The following BAZ2A variants were observed in gnomAD, a reference collection of about 807,000 sequenced individuals.
The protein encoded by BAZ2A is bromodomain adjacent to zinc finger domain protein 2A.
In BAZ2A, 34 loss-of-function variants were observed where a neutral mutation model predicts 199.9. The ratio of observed to expected loss-of-function variants is 0.17; its 90% CI spans 0.13 to 0.23. BAZ2A has a LOEUF of 0.23. BAZ2A is among the 10% of genes least tolerant of loss of function. The pLI, the probability that BAZ2A is intolerant of heterozygous loss-of-function variation, is 1.00. For missense variants in BAZ2A, 2,002 were observed against 2,391.1 expected (o/e 0.84, Z 3.39); for synonymous variants, 857 against 883.9 (o/e 0.97, Z 0.54).
Position 56,630,107 on chromosome 12 carries a change from G to A in BAZ2A, c.-3+18C>T, listed in dbSNP as rs1178639665. On this transcript the variant is annotated intron_variant, in intron 1 of 28. Coordinates refer to ENST00000549884, the MANE Select transcript of BAZ2A (RefSeq NM_001300905.2). ...GGGCTCCCTCCCCCTCAGGCCCCTG[G>A]CCACAGACCCCACAAACCTGAGGCA... 9.2e-6 allele frequency: 9 copies of A among 979,104 alleles called. No individual in the cohort carries two copies. The African/African-American group carries it at 1.4e-4, about 15-fold the overall frequency. The allele number at this position is 979,104 out of a possible 1,614,324, so 60.7% of individuals were successfully genotyped here. A position where few individuals can be genotyped will look rare whatever the true frequency, so the allele number is the denominator to read the frequency against.
intron 5 of BAZ2A, 133 bp downstream of exon 5, chr12:56,612,882 G>C: frequency 9.7e-7 from 1 of 1,030,566 alleles, no homozygotes; most frequent in Non-Finnish European, 1.4e-6. Flanking sequence ...TCGGCCTCCC[G>C]AAGTGCTGAG....
intron 1 of BAZ2A, among the ~76,000 whole-genome samples, chr12:56,625,419 GTGC>G (rs1951057228): frequency 6.6e-6 from 1 of 151,898 alleles, no homozygotes; most frequent in Non-Finnish European, 1.5e-5. Flanking sequence ...GCCTCCCAAA[GTGC>G]TGCGACTGCA....
Position 56,603,023 on chromosome 12 carries a change from C to G in BAZ2A, c.3280-166G>C, listed in dbSNP as rs538489693. Among the ~76,000 whole-genome samples the G allele has an allele frequency of 2.6e-5, 4 of 152,366 alleles. 1 individual carries two copies. The South Asian group carries it at 8.3e-4, about 32-fold the overall frequency. On this transcript the variant is annotated intron_variant, in intron 18 of 28. Coordinates refer to ENST00000549884, the MANE Select transcript of BAZ2A (RefSeq NM_001300905.2). ...TTAAGTTTGGGAGCGGTGGCTCACG[C>G]CTGTAATCCCAGCACTTTGGGAGGC...
intron 16 of BAZ2A, 31 bp from the exon 17 acceptor site, chr12:56,603,731 G>A: frequency 6.2e-7 from 1 of 1,611,274 alleles, no homozygotes; most frequent in African/African-American, 1.3e-5. Flanking sequence ...ATTAAGGGAA[G>A]GCCAAGTGTG....
chr12:56,615,525 G>C lies in BAZ2A; in HGVS notation c.219C>G (p.His73Gln). The C allele has an allele frequency of 6.2e-7, 1 of 1,613,490 alleles. No homozygotes were observed. The highest frequency in any genetic ancestry group is 8.5e-7 in the Non-Finnish European group (1 of 1,179,872). The change falls in exon 3 of 29, where the codon CAC (histidine) becomes CAG (glutamine). Residue 73 changes from histidine to glutamine, a missense_variant. His to Gln is a conservative substitution (Grantham distance 24, BLOSUM62 0). Transcript: ENST00000549884. ...TTSGILNSAP[H>Q]SSSTSHLHHP... Reference sequence around the variant, plus strand: ...GATGGAGGTGTGAGGTGCTGGAGGAGTGGGGAGCAGAGTTCAAAATCCCTG... The same window carrying C: ...GATGGAGGTGTGAGGTGCTGGAGGACTGGGGAGCAGAGTTCAAAATCCCTG...
intron 1 of BAZ2A, among the ~76,000 whole-genome samples, chr12:56,624,616 CAAAAAA>C (rs67249064): frequency 1.5e-4 from 9 of 59,432 alleles, no homozygotes; most frequent in Non-Finnish European, 1.2e-4. Context: ...TTTCAGAGAA[CAAAAAA>C]AAAAAAAAAA....
intron 5 of BAZ2A, among the ~76,000 whole-genome samples, chr12:56,612,598 C>G (rs1301012868): frequency 6.6e-6 from 1 of 152,208 alleles, no homozygotes; most frequent in South Asian, 2.1e-4. Flanking sequence ...CCCATAGCCC[C>G]TCAGCTCCCA....
In BAZ2A at chr12:56,603,353, C is replaced by T. The variant is rs960690460; in HGVS notation, c.3279+6G>A. On this transcript the variant is annotated splice_donor_region_variant and intron_variant, in intron 18 of 28. Coordinates refer to ENST00000549884, the MANE Select transcript of BAZ2A (RefSeq NM_001300905.2). ...TCCAACTCTTGGGAGGTTAGAAGCA[C>T]AATACCTTGCTGAGTTTTTCTATCT... 3.1e-5 allele frequency: 50 copies of T among 1,613,786 alleles called. No individual in the cohort carries two copies. In the Admixed American group the frequency reaches 8.2e-4, roughly 26 times the overall value.
upstream of BAZ2A, chr12:56,638,203 C>A: frequency 1.2e-6 from 1 of 860,900 alleles, no homozygotes. Context: ...TTATTGGAAA[C>A]CTTAAATACT....
intron 5 of BAZ2A, 118 bp from the exon 6 acceptor site, chr12:56,612,364 CT>C (rs1269281685): frequency 2.8e-5 from 24 of 864,860 alleles, no homozygotes; most frequent in Non-Finnish European, 8.7e-6. Context: ...GGGGTCTTCC[CT>C]AGGGTTGGAA....
intron 9 of BAZ2A, 40 bp downstream of exon 9, chr12:56,610,074 T>C: frequency 6.2e-7 from 1 of 1,608,522 alleles, no homozygotes; most frequent in Non-Finnish European, 8.5e-7. Flanking sequence ...CACCAACTCT[T>C]CCTCAGGGAC....
intron 3 of BAZ2A, chr12:56,614,804 G>A: frequency 1.6e-6 from 1 of 615,276 alleles, no homozygotes. Flanking sequence ...CTCTGCATGA[G>A]CTTGAAATAA....
intron 2 of BAZ2A, 119 bp downstream of exon 2, chr12:56,617,276 C>A: frequency 8.4e-7 from 1 of 1,194,844 alleles, no homozygotes; most frequent in East Asian, 3.1e-5. Context: ...AACCCTAGAA[C>A]TTGTTCTTAG....
At chr12:56,625,412 T>C (rs1951056965) in intron 1 of BAZ2A, among the ~76,000 whole-genome samples, 1 of 151,834 alleles carries the variant, frequency 6.6e-6, no homozygotes, top group Non-Finnish European at 1.5e-5. Flanking sequence ...CGCCTCAGCC[T>C]CCCAAAGTGC....
At chr12:56,632,460 G>A (rs1592635453), upstream of BAZ2A, among the ~76,000 whole-genome samples, 1 of 152,152 alleles carries the variant, frequency 6.6e-6, no homozygotes, top group African/African-American at 2.4e-5. Context: ...GCCTGCGCCC[G>A]TCAGACGGGT....
At chr12:56,621,910 A>G (rs1473369491) in intron 1 of BAZ2A, among the ~76,000 whole-genome samples, 2 of 152,026 alleles carry the variant, frequency 1.3e-5, no homozygotes, top group East Asian at 3.9e-4. Flanking sequence ...TGATGGTCTC[A>G]AATTCCTGGC....
rs1403982863 is a variant in BAZ2A, at chr12:56,600,301, G to A, written c.4792C>T (p.Arg1598Trp). 3 of 1,613,860 alleles carry A rather than the reference G, an allele frequency of 1.9e-6. No homozygotes were observed. Among genetic ancestry groups the A allele is most frequent in the Admixed American group, 1.7e-5 (1 of 60,008 alleles). The change falls in exon 24 of 29, where the codon CGG becomes TGG. Residue 1598 changes from arginine (R) to tryptophan (W), a missense_variant. By Grantham distance (101) the Arg-to-Trp change is moderately radical. Around this residue, in one of 6 missense-constraint regions of BAZ2A, gnomAD observed 1,081 missense variants for 1,274.7 expected, o/e 0.85. Transcript: ENST00000549884. ...LAALEQNVER[R>W]YLREPLWPTH... ...GGCCAGAGGGGCTCCCGCAGGTACC[G>A]CCGTTCTACATTCTGTTCCAGGGCA...
Position 56,609,783 on chromosome 12 carries a change from A to T in BAZ2A, c.2045T>A (p.Leu682Gln). 1 of 1,613,950 alleles carries T rather than the reference A, an allele frequency of 6.2e-7. No homozygotes were observed. The highest frequency in any genetic ancestry group is 8.5e-7 in the Non-Finnish European group (1 of 1,179,876). The change falls in exon 10 of 29, where the codon CTA becomes CAA. Residue 682 changes from leucine (L) to glutamine (Q), a missense_variant. This residue lies in a region of BAZ2A where 1,081 missense variants were observed against 1,274.7 expected (regional missense o/e 0.85). Coordinates refer to ENST00000549884, the MANE Select transcript of BAZ2A (RefSeq NM_001300905.2). ...GRPPKVKITE[L>Q]LNKTDNRPLK... ...GGGGCGGTTGTCTGTCTTGTTCAAT[A>T]GCTCAGTGATTTTGACCTTAGGTGG...
intron 1 of BAZ2A, among the ~76,000 whole-genome samples, chr12:56,624,809 G>C (rs1951029199): frequency 6.6e-6 from 1 of 152,078 alleles, no homozygotes; most frequent in African/African-American, 2.4e-5. Context: ...GTAGTGCCAG[G>C]TTCTCCGGAG....
Sources: allele counts gnomAD v4.1 joint callset (sites outside exome capture counted in the v4.1 genomes callset), GRCh38; gene constraint gnomAD v4.1.1; regional missense constraint gnomAD v4.1.1; transcripts MANE v1.5; gene names NCBI Gene and HGNC (gene_info 2026-07-23, HGNC 2026-07-21).